XRCC4: variants seen among roughly 807,000 people sequenced by gnomAD.
The protein encoded by XRCC4 is X-ray repair cross complementing 4.
XRCC4 carries 28 observed loss-of-function variants against 39.1 expected under a neutral mutation model. That is an observed-to-expected ratio of 0.72 (90% CI 0.53 to 0.98). The LOEUF (loss-of-function observed/expected upper bound fraction) is 0.98, where lower values mean the gene tolerates loss of function less well. Ranked by LOEUF, XRCC4 falls within the 50% of genes least tolerant of loss-of-function variation. XRCC4 has a pLI of 0.00. For synonymous variants in XRCC4, 123 were observed against 126.4 expected (o/e 0.97, Z 0.18); for missense variants, 350 against 376.4 (o/e 0.93, Z 0.58).
chr5:83,101,098 G>GT (rs1745914654), intron 1 of XRCC4, among the ~76,000 whole-genome samples: 1 of 151,822 alleles, frequency 6.6e-6, no homozygotes, highest in Admixed American at 6.6e-5. Context: ...ACTTTATAAT[G>GT]TTTTTTTAAA....
intron 3 of XRCC4, among the ~76,000 whole-genome samples, chr5:83,127,633 C>T (rs1261219717): frequency 6.6e-6 from 1 of 152,014 alleles, no homozygotes; most frequent in Admixed American, 6.6e-5. Context: ...ATACCATCCC[C>T]AATTCAACAG....
At chr5:83,271,911 T>G (rs1754157693) in intron 7 of XRCC4, among the ~76,000 whole-genome samples, 1 of 152,192 alleles carries the variant, frequency 6.6e-6, no homozygotes, top group Non-Finnish European at 1.5e-5. Flanking sequence ...TACATGCAAC[T>G]AAACACAAGG....
At chr5:83,132,866 A>G (rs1006487946) in intron 3 of XRCC4, among the ~76,000 whole-genome samples, 3 of 152,086 alleles carry the variant, frequency 2.0e-5, no homozygotes, top group African/African-American at 7.2e-5. Flanking sequence ...ATGACCGATC[A>G]TCTGAAGCCT....
chr5:83,148,224 GT>G (rs1433120771), intron 3 of XRCC4, among the ~76,000 whole-genome samples: 2 of 152,102 alleles, frequency 1.3e-5, no homozygotes, highest in Non-Finnish European at 2.9e-5. Flanking sequence ...ATATAAAATT[GT>G]TTTGCATTGT....
intron 7 of XRCC4, among the ~76,000 whole-genome samples, chr5:83,265,382 G>T (rs1299472049): frequency 2.6e-5 from 4 of 152,074 alleles, no homozygotes; most frequent in Admixed American, 6.6e-5. Context: ...AAGTAAACAT[G>T]GTGGTGGTTT....
At chr5:83,308,999 G>T (rs1755585944) in intron 7 of XRCC4, among the ~76,000 whole-genome samples, 1 of 151,878 alleles carries the variant, frequency 6.6e-6, no homozygotes, top group African/African-American at 2.4e-5. Context: ...ATAATTTGCA[G>T]CCCAGCACGG....
intron 6 of XRCC4, among the ~76,000 whole-genome samples, chr5:83,227,059 T>A (rs28360189): frequency 0.043 from 6,597 of 152,190 alleles, 453 homozygotes; most frequent in African/African-American, 0.15. Context: ...TAATTTCAAT[T>A]CACTTTTAGT....
At chr5:83,186,795 C>CA (rs1750458730) in intron 3 of XRCC4, among the ~76,000 whole-genome samples, 1 of 152,156 alleles carries the variant, frequency 6.6e-6, no homozygotes, top group African/African-American at 2.4e-5. Flanking sequence ...ACTTCTGTGG[C>CA]ATAAAAGTTC....
At chr5:83,341,057 C>T (rs767530154) in intron 7 of XRCC4, among the ~76,000 whole-genome samples, 36 of 152,178 alleles carry the variant, frequency 2.4e-4, no homozygotes, top group Non-Finnish European at 7.4e-5. Flanking sequence ...TTCCAGAAGA[C>T]ACTAGTTTCT....
At chr5:83,305,112 A>AT (rs1411642394) in intron 7 of XRCC4, among the ~76,000 whole-genome samples, 2 of 152,098 alleles carry the variant, frequency 1.3e-5, no homozygotes, top group Admixed American at 1.3e-4. Flanking sequence ...AATAAGCTTT[A>AT]TTTTTAGAAC....
Position 83,264,430 on chromosome 5 carries a change from A to G in XRCC4, c.893+5753A>G, listed in dbSNP as rs139816294. On this transcript the variant is annotated intron_variant, in intron 7 of 7. Transcript: ENST00000396027. ...TCTTCTTCCTATGTTTTTATTATTA[A>G]TGTTATGAATTATAAAAATTAAAAC... Among the ~76,000 whole-genome samples the G allele has an allele frequency of 2.0e-3, 305 of 152,200 alleles. 1 individual carries two copies. The highest frequency in any genetic ancestry group is 6.8e-3 in the African/African-American group (282 of 41,526).
chr5:83,336,603 G>C (rs1439107517), intron 7 of XRCC4, among the ~76,000 whole-genome samples: 1 of 152,052 alleles, frequency 6.6e-6, no homozygotes, highest in Admixed American at 6.6e-5. Context: ...TTTCTCAATA[G>C]CCAGATATAA....
At chr5:83,194,682 C>G (rs985473170) in intron 3 of XRCC4, among the ~76,000 whole-genome samples, 16 of 152,140 alleles carry the variant, frequency 1.1e-4, no homozygotes, top group African/African-American at 3.9e-4. Flanking sequence ...AATCAATTCT[C>G]ATTTTACTCT....
intron 6 of XRCC4, among the ~76,000 whole-genome samples, chr5:83,237,510 A>G (rs1488549641): frequency 6.6e-6 from 1 of 152,136 alleles, no homozygotes; most frequent in Non-Finnish European, 1.5e-5. Flanking sequence ...GCTAAAAAAA[A>G]TGCAAATCAA....
chr5:83,363,631 G>A, the XRCC4 span, among the ~76,000 whole-genome samples: 1 of 152,182 alleles, frequency 6.6e-6, no homozygotes, highest in Non-Finnish European at 1.5e-5. Context: ...TGGAAGTTGA[G>A]AGACTACTGG....
rs993560341 is a variant in XRCC4, at chr5:83,100,014, G to A, written c.-10-4896G>A. Among the ~76,000 whole-genome samples, 2 of 151,956 alleles carry A rather than the reference G, an allele frequency of 1.3e-5. 1 individual carries two copies. Among genetic ancestry groups the A allele is most frequent in the South Asian group, 4.1e-4 (2 of 4,826 alleles). ...TTTTGTATTTGATATTTTGTAAGAC[G>A]GTGATCTCAGTAAGTAAAAGAATGA... On this transcript the variant is annotated intron_variant, in intron 1 of 7. Transcript: ENST00000396027.
chr5:83,089,056 C>T (rs1370552465), intron 1 of XRCC4, among the ~76,000 whole-genome samples: 2 of 152,170 alleles, frequency 1.3e-5, no homozygotes, highest in African/African-American at 2.4e-5. Flanking sequence ...TTCACTGCTG[C>T]CTGCTGGAGG....
chr5:83,087,057 C>T (rs796479427), intron 1 of XRCC4, among the ~76,000 whole-genome samples: 30 of 152,226 alleles, frequency 2.0e-4, no homozygotes, highest in African/African-American at 6.3e-4. Context: ...TGGCTCACAC[C>T]TGTAATTCCA....
At chr5:83,159,270 AT>A (rs1260190156) in intron 3 of XRCC4, among the ~76,000 whole-genome samples, 1 of 152,138 alleles carries the variant, frequency 6.6e-6, no homozygotes, top group African/African-American at 2.4e-5. Flanking sequence ...CAAGGCAGTA[AT>A]TCCTTTCTTT....
Sources: allele counts gnomAD v4.1 joint callset (sites outside exome capture counted in the v4.1 genomes callset), GRCh38; gene constraint gnomAD v4.1.1; transcripts MANE v1.5; gene names NCBI Gene and HGNC (gene_info 2026-07-23, HGNC 2026-07-21).